VEPH1: variants seen among roughly 807,000 people sequenced by gnomAD.
VEPH1 encodes the protein ventricular zone-expressed PH domain-containing protein homolog 1.
A neutral mutation model predicts 85.2 loss-of-function variants in VEPH1; 80 were observed. That is an observed-to-expected ratio of 0.94 (90% CI 0.78 to 1.13). The LOEUF (loss-of-function observed/expected upper bound fraction) is 1.13, where lower values mean the gene tolerates loss of function less well. Among genes scored for constraint, VEPH1 ranks in the 50% most tolerant of loss-of-function variants. The pLI is 0.00. For missense variants in VEPH1, 955 were observed against 980.5 expected, an observed-to-expected ratio of 0.97 and a Z score of 0.35; for synonymous variants, 297 against 348.0, an observed-to-expected ratio of 0.85 and a Z score of 1.63.
rs888113174 is a variant in VEPH1 at position 157,259,896 on chromosome 3, T to C, written c.*1238A>G. 5.3e-5 allele frequency: 8 copies of C among 152,172 alleles called. No individual in the cohort carries two copies. The highest frequency in any genetic ancestry group is 1.9e-4 in the African/African-American group (8 of 41,430). 9.4% of individuals were successfully genotyped at this position (152,172 alleles called of 1,614,324 possible). ...TTTTATCTGAGGTTCAGATGCTTCT[T>C]CCAAGATCACATGGTTGTTCACAAA... On this transcript the variant is annotated 3_prime_UTR_variant, in exon 14 of 14. Transcript: ENST00000362010.
At chr3:157,488,323 C>A (rs899322666) in intron 2 of VEPH1, among the ~76,000 whole-genome samples, 1 of 152,082 alleles carries the variant, frequency 6.6e-6, no homozygotes, top group African/African-American at 2.4e-5. Flanking sequence ...CATCCAGTGA[C>A]AACTGCTCTT....
chr3:157,425,052 C>A (rs927151379), intron 5 of VEPH1, among the ~76,000 whole-genome samples: 1 of 152,214 alleles, frequency 6.6e-6, no homozygotes, highest in Non-Finnish European at 1.5e-5. Context: ...GGCCCAGGGC[C>A]CCCACGCTGT....
At chr3:157,270,053 T>C (rs890571958) in intron 12 of VEPH1, among the ~76,000 whole-genome samples, 3 of 151,942 alleles carry the variant, frequency 2.0e-5, no homozygotes, top group Non-Finnish European at 4.4e-5. Flanking sequence ...CAGGAGTTTG[T>C]GACCAGGCTG....
intron 11 of VEPH1, among the ~76,000 whole-genome samples, chr3:157,298,273 A>G (rs921290491): frequency 6.6e-6 from 1 of 152,194 alleles, no homozygotes; most frequent in African/African-American, 2.4e-5. Flanking sequence ...AGTGAGGTTA[A>G]TGACTTGCCC....
intron 11 of VEPH1, among the ~76,000 whole-genome samples, chr3:157,293,475 A>G (rs953451285): frequency 6.6e-6 from 1 of 152,218 alleles, no homozygotes; most frequent in Non-Finnish European, 1.5e-5. Context: ...TTGGAAAATC[A>G]TGGCAATTCT....
intron 13 of VEPH1, among the ~76,000 whole-genome samples, chr3:157,264,718 G>T (rs989873961): frequency 6.6e-6 from 1 of 152,088 alleles, no homozygotes; most frequent in African/African-American, 2.4e-5. Context: ...ATTGTTTTGA[G>T]GATTGTTTGA....
At chr3:157,309,665 A>G (rs1006716077) in intron 11 of VEPH1, among the ~76,000 whole-genome samples, 2 of 152,044 alleles carry the variant, frequency 1.3e-5, no homozygotes, top group Admixed American at 6.5e-5. Context: ...ATTTTTATAT[A>G]TTAAAAATAT....
intron 7 of VEPH1, among the ~76,000 whole-genome samples, chr3:157,371,166 C>T (rs1488817085): frequency 6.6e-6 from 1 of 152,202 alleles, no homozygotes; most frequent in South Asian, 2.1e-4. Context: ...TAAAATCCCT[C>T]CTCTTACTGC....
intron 3 of VEPH1, among the ~76,000 whole-genome samples, chr3:157,460,792 A>T (rs1735794266): frequency 6.6e-6 from 1 of 152,154 alleles, no homozygotes; most frequent in Admixed American, 6.6e-5. Flanking sequence ...ACCTGATGGC[A>T]CTGGAGAGTT....
At chr3:157,276,088 G>A (rs1314702908) in intron 12 of VEPH1, among the ~76,000 whole-genome samples, 1 of 152,182 alleles carries the variant, frequency 6.6e-6, no homozygotes, top group Non-Finnish European at 1.5e-5. Context: ...AAACCAGGAG[G>A]CATGATCCTC....
intron 9 of VEPH1, 149 bp downstream of exon 9, chr3:157,363,215 A>AC (rs1306561804): frequency 1.3e-6 from 1 of 766,314 alleles, no homozygotes; most frequent in Non-Finnish European, 1.9e-6. Flanking sequence ...AAAAAAAAAA[A>AC]AAACTAACAT....
rs183324082 is a variant in VEPH1, at chr3:157,448,996, A to T, written c.529+11185T>A. ...GTTTCAGCTTTCACTACCTCCTCAT[A>T]CTCTCTTGCCACCACCATGTAAGAA... On this transcript the variant is annotated intron_variant, in intron 4 of 13. Transcript: ENST00000362010. 1.3e-3 allele frequency among the ~76,000 whole-genome samples: 195 copies of T among 152,064 alleles called. 1 individual carries two copies. Among genetic ancestry groups the T allele is most frequent in the African/African-American group, 4.4e-3 (181 of 41,472 alleles).
At chr3:157,290,074 AC>A (rs1717302188) in intron 11 of VEPH1, among the ~76,000 whole-genome samples, 5 of 123,954 alleles carry the variant, frequency 4.0e-5, no homozygotes, top group African/African-American at 8.5e-5. Flanking sequence ...ACACACACAC[AC>A]ACACAACCTG....
Position 157,260,714 on chromosome 3 carries a change from T to G in VEPH1, c.*420A>C, listed in dbSNP as rs1464174075. On this transcript the variant is annotated 3_prime_UTR_variant, in exon 14 of 14. Transcript: ENST00000362010. Reference sequence around the variant, plus strand: ...GGTTTTTTTTTTTAAAGTTTTCTTTTAATACCTTTGACAGACTGTGATTTT... The same window carrying G: ...GGTTTTTTTTTTTAAAGTTTTCTTTGAATACCTTTGACAGACTGTGATTTT... 6.5e-6 allele frequency: 1 copy of G among 154,786 alleles called. No individual in the cohort carries two copies. The highest frequency in any genetic ancestry group is 1.4e-5 in the Non-Finnish European group (1 of 69,918). The allele number at this position is 154,786 out of a possible 1,614,324, so 9.6% of individuals were successfully genotyped here.
chr3:157,303,095 G>A (rs956282456), intron 11 of VEPH1, among the ~76,000 whole-genome samples: 2 of 152,154 alleles, frequency 1.3e-5, no homozygotes, highest in East Asian at 3.8e-4. Flanking sequence ...TGAGATGTGT[G>A]ACTTACATTT....
At chr3:157,454,007 A>AT (rs1287907943) in intron 4 of VEPH1, among the ~76,000 whole-genome samples, 1 of 152,176 alleles carries the variant, frequency 6.6e-6, no homozygotes, top group African/African-American at 2.4e-5. Context: ...TCGAAAAAGC[A>AT]TTTTTTAAAA....
chr3:157,280,230 TTGTATGA>T (rs1715926349), intron 12 of VEPH1, among the ~76,000 whole-genome samples: 1 of 152,086 alleles, frequency 6.6e-6, no homozygotes, highest in Non-Finnish European at 1.5e-5. Context: ...CATCTTATGC[TTGTATGA>T]TGATGAAACT....
chr3:157,287,125 C>T lies in VEPH1; in HGVS notation c.2011-451G>A, dbSNP rs551296894. ...TGGTGGGTCATGCCTGTAATCCCAA[C>T]ACTCTGGGAGGCTGAGGCAGGCAGA... On this transcript the variant is annotated intron_variant, in intron 11 of 13. Coordinates refer to ENST00000362010, the MANE Select transcript of VEPH1 (RefSeq NM_001167912.2). Among the ~76,000 whole-genome samples, 32 of 152,284 alleles carry T rather than the reference C, an allele frequency of 2.1e-4. No individual in the cohort carries two copies. In the South Asian group the frequency reaches 6.2e-3, roughly 30 times the overall value.
chr3:157,372,785 C>T (rs996202556), intron 7 of VEPH1, among the ~76,000 whole-genome samples: 7 of 152,086 alleles, frequency 4.6e-5, no homozygotes, highest in East Asian at 1.9e-4. Context: ...ACTAGAGAAA[C>T]GCAATGAATA....
Sources: gnomAD v4.1 joint callset for allele counts (sites outside exome capture counted in the v4.1 genomes callset) on GRCh38, gnomAD v4.1.1 for gene constraint, MANE v1.5 for transcripts, NCBI Gene and HGNC (gene_info 2026-07-23, HGNC 2026-07-21) for gene names.